KDM3A: variants seen among roughly 807,000 people sequenced by gnomAD.
KDM3A encodes the protein lysine-specific demethylase 3A.
Under a neutral mutation model 158.0 loss-of-function variants are expected in KDM3A, and 60 were observed. The observed-to-expected ratio is 0.38, with a 90% CI of 0.31 to 0.47. The LOEUF (loss-of-function observed/expected upper bound fraction) is 0.47, where lower values mean the gene tolerates loss of function less well. Ranked by LOEUF, KDM3A falls within the 20% of genes least tolerant of loss-of-function variation. The probability of loss-of-function intolerance (pLI) is 0.99; values close to 1 mark genes in which losing one functional copy is unlikely to be tolerated. For synonymous variants in KDM3A, 608 were observed against 549.3 expected (o/e 1.11, Z -1.49); for missense variants, 1,319 against 1,574.3 (o/e 0.84, Z 2.74).
At position 86,449,858 on chromosome 2, in the gene KDM3A, G is replaced by T; in HGVS notation, c.238G>T (p.Val80Phe). The T allele has an allele frequency of 6.2e-7, 1 of 1,613,804 alleles. No individual in the cohort carries two copies. The highest frequency in any genetic ancestry group is 8.5e-7 in the Non-Finnish European group (1 of 1,179,842). ...ESWRKRRWIE[V>F]YSLLRRAFLV... is the part of the protein sequence containing the mutation. Reference sequence around the variant, plus strand: ...TTGGAGGAAAAGAAGATGGATAGAAGTCTACAGCCTTCTAAGGAGAGCATT... The same window carrying T: ...TTGGAGGAAAAGAAGATGGATAGAATTCTACAGCCTTCTAAGGAGAGCATT... The change falls in exon 3 of 26, where the codon GTC (valine) becomes TTC (phenylalanine). Residue 80 changes from valine to phenylalanine, a missense_variant. Val to Phe is a conservative substitution (Grantham distance 50, BLOSUM62 -1). This residue lies in a region of KDM3A where 652 missense variants were observed against 627.2 expected (regional missense o/e 1.04). Coordinates refer to ENST00000312912, the MANE Select transcript of KDM3A (RefSeq NM_018433.6).
upstream of KDM3A, chr2:86,441,328 CG>C (rs1027152608): frequency 7.2e-5 from 11 of 152,314 alleles, no homozygotes; most frequent in African/African-American, 2.7e-4. Context: ...CCGAGGGGGG[CG>C]GGTCCGGGAG....
intron 16 of KDM3A, among the ~76,000 whole-genome samples, chr2:86,481,511 A>C (rs570955133): frequency 6.8e-6 from 1 of 147,296 alleles, no homozygotes; most frequent in Admixed American, 6.7e-5. Context: ...TTTTTTTTTT[A>C]AACAGTTTCT....
intron 4 of KDM3A, among the ~76,000 whole-genome samples, chr2:86,452,439 G>A (rs1218935462): frequency 6.6e-6 from 1 of 152,036 alleles, no homozygotes; most frequent in Non-Finnish European, 1.5e-5. Context: ...GTGACCAGAG[G>A]CTTGAAGGAA....
intron 11 of KDM3A, among the ~76,000 whole-genome samples, chr2:86,471,556 T>C (rs539788542): frequency 6.6e-6 from 1 of 152,252 alleles, no homozygotes; most frequent in South Asian, 2.1e-4. Flanking sequence ...TTGGACTAAC[T>C]CTAATCATAA....
chr2:86,492,209 C>T lies in KDM3A; in HGVS notation c.*90C>T. 8 of 939,694 alleles carry T rather than the reference C, an allele frequency of 8.5e-6. No homozygotes were observed. In the South Asian group the frequency reaches 9.8e-5, roughly 12 times the overall value. The allele number at this position is 939,694 out of a possible 1,614,324, so 58.2% of individuals were successfully genotyped here. A position where few individuals can be genotyped will look rare whatever the true frequency, so the allele number is the denominator to read the frequency against. On this transcript the variant is annotated 3_prime_UTR_variant, in exon 26 of 26. Transcript: ENST00000312912. ...GACTTTGAGATTCATGTTACCTCAT[C>T]TTCTTTTTTAAACTGTACCCAACTT...
chr2:86,448,968 T>C (rs1683056834), intron 2 of KDM3A, among the ~76,000 whole-genome samples: 1 of 152,218 alleles, frequency 6.6e-6, no homozygotes, highest in South Asian at 2.1e-4. Context: ...TTGAGTTTTA[T>C]GGTTTTGTAA....
At chr2:86,458,552 A>C (rs142486248) in intron 8 of KDM3A, among the ~76,000 whole-genome samples, 4 of 152,170 alleles carry the variant, frequency 2.6e-5, no homozygotes, top group African/African-American at 7.2e-5. Context: ...AGGTATCTGG[A>C]GTTCCTGTCT....
chr2:86,475,267 G>T (rs1673611863), intron 12 of KDM3A, among the ~76,000 whole-genome samples: 1 of 152,106 alleles, frequency 6.6e-6, no homozygotes, highest in African/African-American at 2.4e-5. Context: ...CAGCAGTGCA[G>T]GCACACTAAA....
Position 86,482,152 on chromosome 2 carries a change from A to C in KDM3A, c.2685+50A>C. On this transcript the variant is annotated intron_variant, in intron 17 of 25. Transcript: ENST00000312912. ...CATGTTTTAAAGTTGAAGACAGAAC[A>C]GGAAGAGAGTAGAGAAGTTGGAACT... is the stretch of plus-strand genomic sequence containing the variant. 1.9e-6 allele frequency: 3 copies of C among 1,568,372 alleles called. No homozygotes were observed. In the South Asian group the frequency reaches 3.3e-5, roughly 17 times the overall value.
In KDM3A at chr2:86,484,014, A is replaced by C. The variant is rs755001978; in HGVS notation, c.2950A>C (p.Lys984Gln). 1.2e-5 allele frequency: 19 copies of C among 1,613,680 alleles called. No individual in the cohort carries two copies. In the Admixed American group the frequency reaches 3.2e-4, roughly 27 times the overall value. Residue 984 changes from lysine to glutamine, a missense_variant, in exon 19 of 26, where the codon AAA (lysine) becomes CAA (glutamine). By Grantham distance (53) the Lys-to-Gln change is moderately conservative (BLOSUM62 1). Transcript: ENST00000312912. ...QPVMVSGVHH[K>Q]LNSELWKPES... is the part of the protein sequence containing the mutation. The stretch of plus-strand genomic sequence containing the variant: ...AGTGATGGTGTCTGGAGTGCATCAT[A>C]AATTGAACTCTGAACTTTGGAAACC...
chr2:86,485,956 A>G (rs1674156597), intron 21 of KDM3A, 97 bp downstream of exon 21: 1 of 1,272,488 alleles, frequency 7.9e-7, no homozygotes, highest in Non-Finnish European at 1.1e-6. Context: ...AACACCCATA[A>G]TCCTAATGCG....
intron 21 of KDM3A, 34 bp from the exon 22 acceptor site, chr2:86,489,284 C>T: frequency 6.2e-7 from 1 of 1,603,118 alleles, no homozygotes; most frequent in East Asian, 2.2e-5. Flanking sequence ...CCTTTGTTGT[C>T]TTTTGTAAAA....
In KDM3A at chr2:86,485,023, C is replaced by T; in HGVS notation, c.3176C>T (p.Pro1059Leu). ...PPGEDFRDMM[P>L]SRFDDLMANI... The stretch of plus-strand genomic sequence containing the variant: ...GGAGAAGATTTTAGAGATATGATGC[C>T]TTCCAGGTATGATTATGAAGGTGGG... The change falls in exon 20 of 26, where the codon CCT becomes CTT. Residue 1059 changes from proline (P) to leucine (L), a missense_variant. By Grantham distance (98) the Pro-to-Leu change is moderately conservative (BLOSUM62 -3). Coordinates refer to ENST00000312912, the MANE Select transcript of KDM3A (RefSeq NM_018433.6). The T allele has an allele frequency of 3.2e-6, 5 of 1,552,458 alleles. No individual in the cohort carries two copies. The highest frequency in any genetic ancestry group is 2.7e-6 in the Non-Finnish European group (3 of 1,124,090).
chr2:86,444,138 C>T (rs1285193984), intron 2 of KDM3A, among the ~76,000 whole-genome samples: 1 of 152,138 alleles, frequency 6.6e-6, no homozygotes, highest in East Asian at 1.9e-4. Context: ...CGCCCCCATC[C>T]TTTGAGGAGG....
chr2:86,439,008 C>T (rs951524665), upstream of KDM3A, among the ~76,000 whole-genome samples: 11 of 151,900 alleles, frequency 7.2e-5, no homozygotes, highest in Non-Finnish European at 1.5e-5. Context: ...AGGTTATTTG[C>T]AGATGTTTTT....
chr2:86,459,598 C>G (rs1012550237), intron 8 of KDM3A, among the ~76,000 whole-genome samples: 1 of 152,090 alleles, frequency 6.6e-6, no homozygotes, highest in Non-Finnish European at 1.5e-5. Context: ...CAGTGGGAAC[C>G]TCCCTTGGGG....
chr2:86,455,953 C>CAAAAAAAAAAA (rs574299612), intron 5 of KDM3A, among the ~76,000 whole-genome samples: 1 of 56,174 alleles, frequency 1.8e-5, no homozygotes, highest in African/African-American at 6.7e-5. Flanking sequence ...GACCCTGTCT[C>CAAAAAAAAAAA]AAAAAAAAAA....
chr2:86,471,203 A>G (rs949220017), intron 11 of KDM3A, among the ~76,000 whole-genome samples: 3 of 151,890 alleles, frequency 2.0e-5, no homozygotes, highest in Admixed American at 6.6e-5. Flanking sequence ...TTTATAGGCA[A>G]AATTTTCATA....
intron 3 of KDM3A, 141 bp downstream of exon 3, chr2:86,450,103 C>G (rs1672380118): frequency 1.2e-6 from 1 of 845,194 alleles, no homozygotes; most frequent in Admixed American, 2.7e-5. Context: ...GAACTCTGCA[C>G]TTCTGAGCGA....
Sources: allele counts gnomAD v4.1 joint callset (sites outside exome capture counted in the v4.1 genomes callset), GRCh38; gene constraint gnomAD v4.1.1; regional missense constraint gnomAD v4.1.1; transcripts MANE v1.5; gene names NCBI Gene and HGNC (gene_info 2026-07-23, HGNC 2026-07-21).